Variants in RFX7 observed in about 807,000 individuals in gnomAD.
RFX7 encodes the protein regulatory factor X7.
In RFX7, 26 loss-of-function variants were observed where a neutral mutation model predicts 111.8. The ratio of observed to expected loss-of-function variants is 0.23; its 90% CI spans 0.17 to 0.32. The LOEUF (loss-of-function observed/expected upper bound fraction) is 0.32. Among genes scored for constraint, RFX7 ranks in the 10% least tolerant of loss-of-function variants. The probability of loss-of-function intolerance (pLI) is 1.00; values close to 1 mark genes in which losing one functional copy is unlikely to be tolerated. For synonymous variants in RFX7, 624 were observed against 624.4 expected, an observed-to-expected ratio of 1.00 and a Z score of 0.01; for missense variants, 1,573 against 1,772.9, an observed-to-expected ratio of 0.89 and a Z score of 2.02.
chr15:56,238,584 T>C (rs1296345475), intron 2 of RFX7, among the ~76,000 whole-genome samples: 2 of 152,162 alleles, frequency 1.3e-5, no homozygotes, highest in Admixed American at 1.3e-4. Context: ...CGATAGATCT[T>C]ATATGACCGT....
At chr15:56,192,619 G>A (rs1490763914) in intron 2 of RFX7, 1 of 178,812 alleles carries the variant, frequency 5.6e-6, no homozygotes, top group East Asian at 1.4e-4. Context: ...ATGAGGTGTT[G>A]AATCCTGAGA....
intron 5 of RFX7, among the ~76,000 whole-genome samples, chr15:56,134,464 A>G (rs1595952527): frequency 1.3e-5 from 2 of 152,260 alleles, no homozygotes; most frequent in South Asian, 4.1e-4. Context: ...ATAGTACTCT[A>G]TTAATTATCA....
chr15:56,131,472 T>C (rs1357633433), intron 5 of RFX7, among the ~76,000 whole-genome samples: 2 of 152,118 alleles, frequency 1.3e-5, no homozygotes, highest in Non-Finnish European at 2.9e-5. Flanking sequence ...TTGCCCAGTC[T>C]GGTCTTAAAC....
At chr15:56,118,624 T>G (rs1348819180) in intron 5 of RFX7, among the ~76,000 whole-genome samples, 3 of 152,216 alleles carry the variant, frequency 2.0e-5, no homozygotes, top group Admixed American at 2.0e-4. Context: ...CTTCCAAATC[T>G]TGGTTATTGG....
rs552036123 is a variant in RFX7, at chr15:56,130,934, C to A, written c.401+11844G>T. Among the ~76,000 whole-genome samples the A allele has an allele frequency of 4.7e-4, 71 of 151,982 alleles. No homozygotes were observed. The South Asian group carries it at 5.0e-3, about 11-fold the overall frequency. ...AACACAAAAATTGTCAAAGAATTAC[C>A]TCCAACAAAGGCTCCAGGCCTAGAT... On this transcript the variant is annotated intron_variant, in intron 5 of 9. Transcript: ENST00000559447.
chr15:56,177,763 C>T (rs1408804578), intron 3 of RFX7, among the ~76,000 whole-genome samples: 1 of 152,072 alleles, frequency 6.6e-6, no homozygotes, highest in African/African-American at 2.4e-5. Context: ...ACTGTACTCT[C>T]GTACCAAGAA....
intron 2 of RFX7, among the ~76,000 whole-genome samples, chr15:56,187,793 G>C (rs2043057732): frequency 6.6e-6 from 1 of 152,158 alleles, no homozygotes; most frequent in African/African-American, 2.4e-5. Context: ...AAAAAATAAA[G>C]TTGGGGTTTG....
chr15:56,147,142 T>G (rs1424230248), intron 3 of RFX7, among the ~76,000 whole-genome samples: 1 of 152,140 alleles, frequency 6.6e-6, no homozygotes, highest in Non-Finnish European at 1.5e-5. Context: ...TCGTTGGTGG[T>G]CAAAAAAAAT....
intron 6 of RFX7, among the ~76,000 whole-genome samples, chr15:56,102,811 A>G (rs753276893): frequency 7.2e-5 from 11 of 152,236 alleles, no homozygotes; most frequent in Non-Finnish European, 1.5e-4. Context: ...ATTTTAGAAA[A>G]GCAAGTTTCT....
In RFX7 at chr15:56,243,826, CGCCGCGGCCGCCGCT is replaced by C. The variant is rs2043760343; in HGVS notation, c.-399_-385del. On this transcript the variant is annotated 5_prime_UTR_variant, in exon 1 of 10. Transcript: ENST00000559447. ...CGCCGCTCGCTCCCGGCCCCGCCGC[CGCCGCGGCCGCCGCT>C]GCCCTGCCAGCCCCGGAGGCAGCCC... Among the ~76,000 whole-genome samples, 1 of 147,222 alleles carries C rather than the reference CGCCGCGGCCGCCGCT, an allele frequency of 6.8e-6. No individual in the cohort carries two copies. Among genetic ancestry groups the C allele is most frequent in the Non-Finnish European group, 1.5e-5 (1 of 66,116 alleles).
chr15:56,212,313 G>C (rs1455004474), intron 2 of RFX7, among the ~76,000 whole-genome samples: 3 of 152,120 alleles, frequency 2.0e-5, no homozygotes, highest in Non-Finnish European at 4.4e-5. Context: ...CAAAACTACA[G>C]AGACAGTACA....
chr15:56,157,746 A>G (rs1417541155), intron 3 of RFX7, among the ~76,000 whole-genome samples: 4 of 152,020 alleles, frequency 2.6e-5, no homozygotes, highest in African/African-American at 4.8e-5. Flanking sequence ...CGCCCAGTTA[A>G]TTTTTGTATT....
rs2043752907 is a variant in RFX7 at position 56,243,718 on chromosome 15, C to A, written c.-276G>T. Reference sequence around the variant, plus strand: ...GGCGGCCAAGCCTTCCTTCCTTGTCCCCGGGGCTTTCTACTGCCGGGTCCC... The same window carrying A: ...GGCGGCCAAGCCTTCCTTCCTTGTCACCGGGGCTTTCTACTGCCGGGTCCC... On this transcript the variant is annotated 5_prime_UTR_variant, in exon 1 of 10. Coordinates refer to ENST00000559447, the MANE Select transcript of RFX7 (RefSeq NM_022841.7). Among the ~76,000 whole-genome samples the A allele has an allele frequency of 1.3e-5, 2 of 151,542 alleles. No individual in the cohort carries two copies. The highest frequency in any genetic ancestry group is 4.8e-5 in the African/African-American group (2 of 41,336).
chr15:56,152,614 T>C (rs926194807), intron 3 of RFX7, among the ~76,000 whole-genome samples: 14 of 151,778 alleles, frequency 9.2e-5, no homozygotes, highest in Non-Finnish European at 1.9e-4. Flanking sequence ...AGACCTAAAA[T>C]TGACACCCTA....
chr15:56,216,450 G>C (rs1455099228), intron 2 of RFX7, among the ~76,000 whole-genome samples: 1 of 151,966 alleles, frequency 6.6e-6, no homozygotes, highest in Non-Finnish European at 1.5e-5. Context: ...TTTCACCTCT[G>C]CTGCATCCAT....
rs144991173 is a variant in RFX7 at position 56,212,593 on chromosome 15, T to C, written c.161+30532A>G. Among the ~76,000 whole-genome samples the C allele has an allele frequency of 3.3e-5, 5 of 152,260 alleles. No homozygotes were observed. In the East Asian group the frequency reaches 9.6e-4, roughly 29 times the overall value. On this transcript the variant is annotated intron_variant, in intron 2 of 9. Transcript: ENST00000559447. ...ATGTTGATAATGGGGAGGCTATGCATGTTGAGGGCAGAGAATGTATGGGAA... is the reference window on the plus strand; with the variant it reads ...ATGTTGATAATGGGGAGGCTATGCACGTTGAGGGCAGAGAATGTATGGGAA...
intron 5 of RFX7, among the ~76,000 whole-genome samples, chr15:56,131,443 G>C (rs1203072458): frequency 3.3e-5 from 5 of 151,938 alleles, no homozygotes; most frequent in African/African-American, 1.2e-4. Context: ...ATTTTTTGTA[G>C]AGACAGGGTC....
At chr15:56,148,511 T>C (rs1270630753) in intron 3 of RFX7, among the ~76,000 whole-genome samples, 1 of 152,234 alleles carries the variant, frequency 6.6e-6, no homozygotes, top group Non-Finnish European at 1.5e-5. Context: ...AAGTTGCTTT[T>C]GGAGGTTGAA....
rs942869174 is a variant in RFX7, at chr15:56,213,962, T to C, written c.161+29163A>G. ...AGGGGTAAACTTGGATCCATTTCAC[T>C]TTTTTTCTATATTGATAGCCCGTGA... On this transcript the variant is annotated intron_variant, in intron 2 of 9. Coordinates refer to ENST00000559447, the MANE Select transcript of RFX7 (RefSeq NM_022841.7). Among the ~76,000 whole-genome samples the C allele has an allele frequency of 5.3e-5, 8 of 152,316 alleles. 1 individual carries two copies. In the South Asian group the frequency reaches 8.3e-4, roughly 16 times the overall value.
Sources: gnomAD v4.1 joint callset for allele counts (sites outside exome capture counted in the v4.1 genomes callset) on GRCh38, gnomAD v4.1.1 for gene constraint, MANE v1.5 for transcripts, NCBI Gene and HGNC (gene_info 2026-07-23, HGNC 2026-07-21) for gene names.